Variants in PRR16 observed in about 807,000 individuals in gnomAD.
The protein encoded by PRR16 is proline rich 16, also known as protein Largen.
PRR16 carries 6 observed loss-of-function variants against 18.2 expected under a neutral mutation model. The observed-to-expected ratio is 0.33, with a 90% CI of 0.18 to 0.65. The LOEUF is 0.65. Ranked by LOEUF, PRR16 falls within the 30% of genes least tolerant of loss-of-function variation. PRR16 has a pLI of 0.74. For synonymous variants in PRR16, 151 were observed against 147.8 expected (o/e 1.02, Z -0.16); for missense variants, 412 against 376.6 (o/e 1.09, Z -0.78).
chr5:120,578,300 G>T (rs1753146803), intron 1 of PRR16, among the ~76,000 whole-genome samples: 1 of 151,904 alleles, frequency 6.6e-6, no homozygotes, highest in African/African-American at 2.4e-5. Context: ...TAAAAAAATG[G>T]GATACATATG....
At chr5:120,552,137 A>G (rs1411580089) in intron 1 of PRR16, among the ~76,000 whole-genome samples, 1 of 151,952 alleles carries the variant, frequency 6.6e-6, no homozygotes, top group African/African-American at 2.4e-5. Flanking sequence ...CCATTTTCAG[A>G]AGATCATGTG....
chr5:120,480,665 G>GA (rs1246128028), intron 1 of PRR16, among the ~76,000 whole-genome samples: 2 of 152,130 alleles, frequency 1.3e-5, no homozygotes, highest in Admixed American at 6.6e-5. Context: ...AACTGATGAA[G>GA]AAAGAGAGTT....
intron 1 of PRR16, among the ~76,000 whole-genome samples, chr5:120,612,953 T>A (rs1169489246): frequency 6.6e-6 from 1 of 152,190 alleles, no homozygotes; most frequent in Non-Finnish European, 1.5e-5. Flanking sequence ...ACATTTTTAT[T>A]TTGCTAATGT....
chr5:120,742,074 T>C, the PRR16 span, among the ~76,000 whole-genome samples: 1 of 152,084 alleles, frequency 6.6e-6, no homozygotes, highest in Non-Finnish European at 1.5e-5. Flanking sequence ...TCTTCATTTA[T>C]TTACAATTAA....
At chr5:120,589,860 T>A (rs1392507205) in intron 1 of PRR16, among the ~76,000 whole-genome samples, 1 of 152,084 alleles carries the variant, frequency 6.6e-6, no homozygotes, top group Non-Finnish European at 1.5e-5. Context: ...ATATCAGGCA[T>A]TAGTCCTTTG....
At chr5:120,745,218 C>G in the PRR16 span, among the ~76,000 whole-genome samples, 1 of 122,754 alleles carries the variant, frequency 8.1e-6, no homozygotes. Context: ...CCAGAAATCT[C>G]TTTTTTTATT....
chr5:120,775,333 C>A, the PRR16 span, among the ~76,000 whole-genome samples: 1 of 152,032 alleles, frequency 6.6e-6, no homozygotes, highest in African/African-American at 2.4e-5. Context: ...ACTATCAGTC[C>A]AAGTCACTAG....
At chr5:120,648,405 T>C (rs936488600) in intron 1 of PRR16, among the ~76,000 whole-genome samples, 1 of 151,996 alleles carries the variant, frequency 6.6e-6, no homozygotes, top group Non-Finnish European at 1.5e-5. Flanking sequence ...GTGTAGCAAA[T>C]GGCAAAATCA....
intron 1 of PRR16, among the ~76,000 whole-genome samples, chr5:120,633,616 A>G (rs886391274): frequency 4.6e-5 from 7 of 152,116 alleles, no homozygotes; most frequent in African/African-American, 7.2e-5. Flanking sequence ...CAGAAGTTAG[A>G]TAAGACAAAG....
chr5:120,767,932 AG>A, the PRR16 span, among the ~76,000 whole-genome samples: 1 of 151,844 alleles, frequency 6.6e-6, no homozygotes, highest in African/African-American at 2.4e-5. Context: ...TCACAATAAA[AG>A]TGTTTTTATA....
chr5:120,606,163 G>A (rs920114944), intron 1 of PRR16, among the ~76,000 whole-genome samples: 1 of 152,162 alleles, frequency 6.6e-6, no homozygotes, highest in East Asian at 1.9e-4. Flanking sequence ...CTTCAGAGTT[G>A]TTAAGTCTTG....
At chr5:120,485,061 G>C (rs189628690) in intron 1 of PRR16, among the ~76,000 whole-genome samples, 2 of 151,962 alleles carry the variant, frequency 1.3e-5, no homozygotes, top group Admixed American at 1.3e-4. Flanking sequence ...GATTTAAATA[G>C]TGTAGCTGAT....
At chr5:120,580,385 A>C (rs1753228790) in intron 1 of PRR16, among the ~76,000 whole-genome samples, 1 of 150,612 alleles carries the variant, frequency 6.6e-6, no homozygotes, top group African/African-American at 2.4e-5. Context: ...AATAGCTCTT[A>C]TTATTTTGAG....
chr5:120,753,270 AT>A, the PRR16 span, among the ~76,000 whole-genome samples: 2 of 152,060 alleles, frequency 1.3e-5, no homozygotes, highest in Non-Finnish European at 2.9e-5. Flanking sequence ...TCAGTCACTC[AT>A]TTGTGAAAGT....
chr5:120,580,497 C>A (rs966602529), intron 1 of PRR16, among the ~76,000 whole-genome samples: 1 of 145,694 alleles, frequency 6.9e-6, no homozygotes, highest in African/African-American at 2.6e-5. Context: ...CTCTGTCGCC[C>A]AGGCTGGAGT....
At chr5:120,740,400 A>T in the PRR16 span, among the ~76,000 whole-genome samples, 1 of 152,212 alleles carries the variant, frequency 6.6e-6, no homozygotes, top group African/African-American at 2.4e-5. Flanking sequence ...TCCATGTGAA[A>T]CTTATAAATA....
At chr5:120,535,758 C>T (rs1191825449) in intron 1 of PRR16, among the ~76,000 whole-genome samples, 1 of 151,748 alleles carries the variant, frequency 6.6e-6, no homozygotes, top group Non-Finnish European at 1.5e-5. Flanking sequence ...CAAGATTGTG[C>T]CACTGTACTC....
downstream of PRR16, among the ~76,000 whole-genome samples, chr5:120,687,524 A>C (rs1275514183): frequency 2.6e-5 from 4 of 151,420 alleles, no homozygotes; most frequent in African/African-American, 9.7e-5. Context: ...CTTCTGTTGA[A>C]CTCTCCCTAT....
the PRR16 span, among the ~76,000 whole-genome samples, chr5:120,760,548 A>C: frequency 6.6e-6 from 1 of 152,130 alleles, no homozygotes; most frequent in African/African-American, 2.4e-5. Flanking sequence ...TTAAGGTACT[A>C]CAGGACTGAG....
Sources: allele counts gnomAD v4.1 joint callset (sites outside exome capture counted in the v4.1 genomes callset), GRCh38; gene constraint gnomAD v4.1.1; transcripts MANE v1.5; gene names NCBI Gene and HGNC (gene_info 2026-07-23, HGNC 2026-07-21).